The following RARB variants were observed in gnomAD, a reference collection of about 807,000 sequenced individuals.
RARB encodes the protein HBV-activated protein.
RARB carries 17 observed loss-of-function variants against 51.9 expected under a neutral mutation model. The ratio of observed to expected loss-of-function variants is 0.33; its 90% CI spans 0.22 to 0.49. RARB has a LOEUF of 0.49. Among genes scored for constraint, RARB ranks in the 20% least tolerant of loss-of-function variants. The pLI is 0.99. For synonymous variants in RARB, 215 were observed against 195.4 expected, an observed-to-expected ratio of 1.10 and a Z score of -0.84; for missense variants, 369 against 550.8, an observed-to-expected ratio of 0.67 and a Z score of 3.30.
rs1167562219 is a variant in RARB at position 25,368,200 on chromosome 3, C to A, written c.179-92993C>A. Among the ~76,000 whole-genome samples, 3 of 151,974 alleles carry A rather than the reference C, an allele frequency of 2.0e-5. No homozygotes were observed. The East Asian group carries it at 5.8e-4, about 29-fold the overall frequency. On this transcript the variant is annotated intron_variant, in intron 5 of 11. Coordinates refer to the RARB transcript ENST00000383772. ...CTTTCTTGGCAAAGTGAAAAGTTGG[C>A]AAGTCATAGCAGAATCCAAATTTGT...
chr3:25,510,318 C>G (rs549632407), intron 3 of RARB, among the ~76,000 whole-genome samples: 1 of 152,236 alleles, frequency 6.6e-6, no homozygotes, highest in East Asian at 1.9e-4. Context: ...TATTCGCTCC[C>G]ACATCAAATA....
At chr3:25,577,225 A>T (rs186810779) in intron 4 of RARB, among the ~76,000 whole-genome samples, 145 of 152,266 alleles carry the variant, frequency 9.5e-4, no homozygotes, top group African/African-American at 3.3e-3. Flanking sequence ...ATCTTGCACA[A>T]ATGATTGCAC....
At chr3:24,916,214 G>A (rs1490115553) in intron 2 of RARB, among the ~76,000 whole-genome samples, 1 of 152,112 alleles carries the variant, frequency 6.6e-6, no homozygotes, top group Non-Finnish European at 1.5e-5. Context: ...TTATGATTTT[G>A]AGGGAAATAT....
At chr3:25,458,255 T>C (rs776492099) in intron 1 of RARB, 11 of 152,222 alleles carry the variant, frequency 7.2e-5, no homozygotes, top group Non-Finnish European at 1.5e-4. Context: ...AATAAATTGA[T>C]GACATCATAG....
At chr3:25,466,398 G>A (rs557107363) in intron 2 of RARB, among the ~76,000 whole-genome samples, 1 of 152,266 alleles carries the variant, frequency 6.6e-6, no homozygotes, top group East Asian at 1.9e-4. Flanking sequence ...GTTACTCCAT[G>A]TTGGTCAGGC....
intron 2 of RARB, among the ~76,000 whole-genome samples, chr3:24,858,904 G>T (rs1414586017): frequency 6.6e-6 from 1 of 151,870 alleles, no homozygotes; most frequent in Non-Finnish European, 1.5e-5. Context: ...GGGCATGGTG[G>T]CACTTGCCTG....
chr3:24,870,338 T>C (rs1334397306), intron 2 of RARB, among the ~76,000 whole-genome samples: 1 of 152,096 alleles, frequency 6.6e-6, no homozygotes, highest in Non-Finnish European at 1.5e-5. Flanking sequence ...GATGTGAAGG[T>C]AGGGATTCTA....
intron 5 of RARB, among the ~76,000 whole-genome samples, chr3:25,213,852 T>G (rs1019192072): frequency 6.6e-6 from 1 of 152,254 alleles, no homozygotes; most frequent in South Asian, 2.1e-4. Context: ...TGGACTCTTA[T>G]GATAAGTTTC....
At chr3:25,033,960 T>G (rs941560733) in intron 2 of RARB, among the ~76,000 whole-genome samples, 5 of 152,164 alleles carry the variant, frequency 3.3e-5, no homozygotes, top group Admixed American at 2.0e-4. Context: ...AAAATGTATG[T>G]CTCTACTAAA....
chr3:25,140,399 C>T (rs1454483304), intron 4 of RARB, among the ~76,000 whole-genome samples: 1 of 152,096 alleles, frequency 6.6e-6, no homozygotes, highest in African/African-American at 2.4e-5. Context: ...GTTCAAAACT[C>T]TACTGGATGA....
At chr3:24,981,337 C>G (rs1410932690) in intron 2 of RARB, among the ~76,000 whole-genome samples, 3 of 152,212 alleles carry the variant, frequency 2.0e-5, no homozygotes, top group African/African-American at 7.2e-5. Context: ...TCTGTAGAAG[C>G]TGTCTGCTGC....
At chr3:25,232,017 G>C (rs1702189336) in intron 5 of RARB, among the ~76,000 whole-genome samples, 1 of 151,782 alleles carries the variant, frequency 6.6e-6, no homozygotes, top group Non-Finnish European at 1.5e-5. Flanking sequence ...AAAGTTTTAT[G>C]CTTAATATTT....
intron 5 of RARB, among the ~76,000 whole-genome samples, chr3:25,224,871 C>T (rs988273945): frequency 6.6e-6 from 1 of 152,146 alleles, no homozygotes; most frequent in East Asian, 1.9e-4. Flanking sequence ...TCCCAAAATG[C>T]CTGGATTACA....
intron 1 of RARB, among the ~76,000 whole-genome samples, chr3:25,436,550 A>G (rs1366601632): frequency 6.6e-6 from 1 of 152,184 alleles, no homozygotes; most frequent in Non-Finnish European, 1.5e-5. Context: ...CCTCCTTATC[A>G]GGGGAAACAA....
intron 5 of RARB, among the ~76,000 whole-genome samples, chr3:25,387,043 G>C (rs1030865406): frequency 3.9e-5 from 6 of 152,130 alleles, no homozygotes; most frequent in Non-Finnish European, 8.8e-5. Flanking sequence ...AATAATTTAA[G>C]ACCAGTTCTG....
chr3:25,281,537 A>G (rs959281108), intron 5 of RARB, among the ~76,000 whole-genome samples: 2 of 152,212 alleles, frequency 1.3e-5, no homozygotes, highest in Non-Finnish European at 2.9e-5. Flanking sequence ...AGGGTACAGT[A>G]ACAAATACAA....
intron 2 of RARB, among the ~76,000 whole-genome samples, chr3:24,997,845 T>C (rs1279000195): frequency 1.3e-5 from 2 of 152,190 alleles, no homozygotes; most frequent in Non-Finnish European, 2.9e-5. Flanking sequence ...AGTCTACATA[T>C]ATGCATTATA....
At chr3:25,169,883 G>T (rs1311951778) in intron 4 of RARB, among the ~76,000 whole-genome samples, 1 of 151,872 alleles carries the variant, frequency 6.6e-6, no homozygotes, top group Non-Finnish European at 1.5e-5. Flanking sequence ...AGCTACTCTG[G>T]AGACTGAGGT....
At chr3:25,191,368 T>C (rs545210613) in intron 5 of RARB, among the ~76,000 whole-genome samples, 2 of 152,112 alleles carry the variant, frequency 1.3e-5, no homozygotes, top group African/African-American at 4.8e-5. Flanking sequence ...GAATTTTGTT[T>C]ATTCCACCTT....
Sources: allele counts gnomAD v4.1 joint callset (sites outside exome capture counted in the v4.1 genomes callset), GRCh38; gene constraint gnomAD v4.1.1; transcripts MANE v1.5; gene names NCBI Gene and HGNC (gene_info 2026-07-23, HGNC 2026-07-21).